Variants in KLHL15 observed in about 807,000 individuals in gnomAD.
KLHL15 encodes the protein kelch like family member 15.
In KLHL15, 1 loss-of-function variant was observed where a neutral mutation model predicts 29.3. The ratio of observed to expected loss-of-function variants is 0.03; its 90% confidence interval spans 0.01 to 0.16. The LOEUF (loss-of-function observed/expected upper bound fraction) is 0.16, where lower values mean the gene tolerates loss of function less well. Among genes scored for constraint, KLHL15 ranks in the 10% least tolerant of loss-of-function variants. The probability of loss-of-function intolerance (pLI) is 1.00; values close to 1 mark genes in which losing one functional copy is unlikely to be tolerated. For missense variants in KLHL15, 215 were observed against 478.5 expected, an observed-to-expected ratio of 0.45 and a Z score of 5.14; for synonymous variants, 212 against 184.5, an observed-to-expected ratio of 1.15 and a Z score of -1.21.
At chrX:23,992,722 GATA>G (rs1423130820) in intron 3 of KLHL15, among the ~76,000 whole-genome samples, 8 of 112,339 alleles carry the variant, frequency 7.1e-5, no homozygotes, top group Non-Finnish European at 1.5e-4. Context: ...AAAATACACT[GATA>G]AGAAGAAGAA....
chrX:24,012,279 A>G (rs541322018), intron 2 of KLHL15, among the ~76,000 whole-genome samples: 113 of 112,739 alleles, frequency 1.0e-3, no homozygotes, highest in African/African-American at 3.2e-3. Context: ...AAAAAAGTTT[A>G]TAAAAATCTC....
At chrX:24,021,767 C>G (rs1353690683) in intron 2 of KLHL15, among the ~76,000 whole-genome samples, 1 of 110,496 alleles carries the variant, frequency 9.1e-6, no homozygotes. Context: ...CATAGCCTCC[C>G]CTATTAAACA....
intron 3 of KLHL15, among the ~76,000 whole-genome samples, chrX:24,004,601 G>T (rs1330681315): frequency 9.1e-6 from 1 of 109,563 alleles, no homozygotes; most frequent in Non-Finnish European, 1.9e-5. Context: ...GACCAGCCTG[G>T]CCAAGATGAT....
At chrX:24,009,750 G>A (rs1929536359) in intron 2 of KLHL15, among the ~76,000 whole-genome samples, 1 of 105,751 alleles carries the variant, frequency 9.5e-6, no homozygotes, top group East Asian at 3.0e-4. Context: ...AACACTTTGG[G>A]AGGCTGAGGA....
chrX:24,009,686 CAAAAA>C (rs748388349), intron 2 of KLHL15, among the ~76,000 whole-genome samples: 1 of 34,223 alleles, frequency 2.9e-5, no homozygotes, highest in African/African-American at 9.8e-5. Context: ...GTTCCATTTT[CAAAAA>C]AAAAAAAAAA....
intron 3 of KLHL15, among the ~76,000 whole-genome samples, chrX:24,003,571 A>C (rs1249563407): frequency 3.7e-5 from 4 of 107,742 alleles, no homozygotes; most frequent in Non-Finnish European, 5.7e-5. Flanking sequence ...CCAAAAAAAA[A>C]AAAACAAAAA....
chrX:24,002,356 G>A (rs1929345762), intron 3 of KLHL15, among the ~76,000 whole-genome samples: 1 of 111,385 alleles, frequency 9.0e-6, no homozygotes, highest in South Asian at 3.7e-4. Context: ...ATCAGAGCTA[G>A]TAAAAATACA....
At chrX:24,002,040 G>C (rs1371178387) in intron 3 of KLHL15, among the ~76,000 whole-genome samples, 2 of 108,962 alleles carry the variant, frequency 1.8e-5, no homozygotes, top group Non-Finnish European at 3.8e-5. Context: ...GGCTGAGGCA[G>C]GAGAATGGCG....
Position 23,994,135 on chromosome X carries a change from A to G in KLHL15, c.706-5105T>C, listed in dbSNP as rs140148049. ...ACAACCAAGACAGTGTGAAGTTATT[A>G]TCACTATACTATTAAACACTGACAA... is the stretch of plus-strand genomic sequence containing the variant. On this transcript the variant is annotated intron_variant, in intron 3 of 3. Coordinates refer to ENST00000328046, the MANE Select transcript of KLHL15 (RefSeq NM_030624.3). 5.4e-5 allele frequency among the ~76,000 whole-genome samples: 6 copies of G among 111,562 alleles called. No individual in the cohort carries two copies. The East Asian group carries it at 1.4e-3, about 26-fold the overall frequency.
At chrX:24,002,716 C>T (rs189215384) in intron 3 of KLHL15, among the ~76,000 whole-genome samples, 2 of 109,977 alleles carry the variant, frequency 1.8e-5, no homozygotes, top group Admixed American at 9.7e-5. Flanking sequence ...CAACCTCGAC[C>T]TCCTGGGCTC....
At chrX:24,020,623 T>C (rs1929784499) in intron 2 of KLHL15, among the ~76,000 whole-genome samples, 1 of 111,533 alleles carries the variant, frequency 9.0e-6, no homozygotes. Context: ...TTGAATGCTA[T>C]TTTTCATCAG....
intron 3 of KLHL15, among the ~76,000 whole-genome samples, chrX:23,998,704 T>C (rs894755741): frequency 8.9e-6 from 1 of 111,939 alleles, no homozygotes; most frequent in African/African-American, 3.2e-5. Context: ...GAACAATGCT[T>C]ACCTATTACA....
rs1743506257 is a variant in KLHL15, at chrX:24,009,686, C to CCA, written c.-7-2987_-7-2986insTG. Among the ~76,000 whole-genome samples the CCA allele has an allele frequency of 1.2e-4, 4 of 34,222 alleles. No homozygotes were observed. In the Admixed American group the frequency reaches 1.8e-3, roughly 15 times the overall value. The allele number at this position is 34,222 out of a possible 115,157, so 29.7% of individuals were successfully genotyped here. ...GGGCGACAGAGCGAGGTTCCATTTT[C>CCA]AAAAAAAAAAAAAAAAAAAAAAGCC... On this transcript the variant is annotated intron_variant, in intron 2 of 3. Transcript: ENST00000328046.
intron 2 of KLHL15, among the ~76,000 whole-genome samples, chrX:24,022,462 C>T (rs899132686): frequency 5.4e-4 from 58 of 108,081 alleles, no homozygotes; most frequent in African/African-American, 2.0e-3. Context: ...GGTGAAACCC[C>T]GTCTCTACTA....
rs144758876 is a variant in KLHL15 at position 24,001,211 on chromosome X, A to G, written c.705+4778T>C. ...AATAGCCAATGAAAAATGAACTATAAAATCCTAAATACAAAGCTGAACTAA... is the reference window on the plus strand; with the variant it reads ...AATAGCCAATGAAAAATGAACTATAGAATCCTAAATACAAAGCTGAACTAA... On this transcript the variant is annotated intron_variant, in intron 3 of 3. Transcript: ENST00000328046. Among the ~76,000 whole-genome samples the G allele has an allele frequency of 1.1e-3, 119 of 112,116 alleles. 3 individuals carry two copies. The East Asian group carries it at 0.029, about 27-fold the overall frequency.
chrX:24,013,520 T>TC (rs1414346790), intron 2 of KLHL15, among the ~76,000 whole-genome samples: 2 of 110,589 alleles, frequency 1.8e-5, no homozygotes, highest in Non-Finnish European at 3.8e-5. Flanking sequence ...TGCCTCGGCC[T>TC]CCCAAAGTGC....
intron 2 of KLHL15, among the ~76,000 whole-genome samples, chrX:24,011,420 C>T (rs1157626751): frequency 7.3e-5 from 8 of 110,244 alleles, no homozygotes; most frequent in Admixed American, 4.8e-4. Context: ...CCAAGGTAGG[C>T]GGATCACGAA....
rs1929466699 is a variant in KLHL15 at position 24,007,372 on chromosome X, A to T, written c.-7-672T>A. On this transcript the variant is annotated intron_variant, in intron 2 of 3. Transcript: ENST00000328046. ...GCCAGGTGTGGTGGCATGCACCTAT[A>T]GTCCCAGCTACTCAGGAGGCCAAGA... is the stretch of plus-strand genomic sequence containing the variant. Among the ~76,000 whole-genome samples the T allele has an allele frequency of 4.7e-5, 5 of 105,883 alleles. No individual in the cohort carries two copies. The Admixed American group carries it at 5.2e-4, about 11-fold the overall frequency. The allele number at this position is 105,883 out of a possible 115,157, so 91.9% of individuals were successfully genotyped here.
chrX:24,012,128 C>A (rs1011419552), intron 2 of KLHL15, among the ~76,000 whole-genome samples: 1 of 112,316 alleles, frequency 8.9e-6, no homozygotes, highest in South Asian at 3.6e-4. Context: ...GCACTCCAGC[C>A]TGGATGACAG....
Sources: allele counts gnomAD v4.1 joint callset (sites outside exome capture counted in the v4.1 genomes callset), GRCh38; gene constraint gnomAD v4.1.1; transcripts MANE v1.5; gene names NCBI Gene and HGNC (gene_info 2026-07-23, HGNC 2026-07-21).